Variants in PCDH11X observed in about 807,000 individuals in gnomAD.
PCDH11X encodes protocadherin-11 X-linked.
A neutral mutation model predicts 53.3 loss-of-function variants in PCDH11X; 18 were observed. That is an observed-to-expected ratio of 0.34 (90% CI 0.23 to 0.50). The LOEUF (loss-of-function observed/expected upper bound fraction) is 0.50, where lower values mean the gene tolerates loss of function less well. Ranked by LOEUF, PCDH11X falls within the 20% of genes least tolerant of loss-of-function variation. The pLI, the probability that PCDH11X is intolerant of heterozygous loss-of-function variation, is 0.98. For missense variants in PCDH11X, 570 were observed against 1,032.4 expected (o/e 0.55, Z 6.14); for synonymous variants, 279 against 393.3 (o/e 0.71, Z 3.44).
At chrX:92,418,268 T>G (rs2071866750) in intron 9 of PCDH11X, among the ~76,000 whole-genome samples, 1 of 110,918 alleles carries the variant, frequency 9.0e-6, no homozygotes, top group African/African-American at 3.3e-5. Context: ...AAGCAAATTT[T>G]TTTATTATCT....
intron 10 of PCDH11X, among the ~76,000 whole-genome samples, chrX:92,524,070 C>T (rs2074409312): frequency 9.3e-6 from 1 of 107,474 alleles, no homozygotes; most frequent in Non-Finnish European, 1.9e-5. Context: ...GATTGGTGTT[C>T]GAGAACATTT....
At chrX:92,110,541 A>G (rs1328662589) in intron 6 of PCDH11X, among the ~76,000 whole-genome samples, 5 of 107,239 alleles carry the variant, frequency 4.7e-5, no homozygotes, top group Admixed American at 3.9e-4. Context: ...TTACATAAAC[A>G]AGGGGGGGGC....
chrX:91,983,123 G>T (rs1319924697), intron 6 of PCDH11X: 3 of 1,006,962 alleles, frequency 3.0e-6, no homozygotes, highest in Non-Finnish European at 4.2e-6. Context: ...AATCTATGTT[G>T]CAGTCCAGGG....
intron 6 of PCDH11X, among the ~76,000 whole-genome samples, chrX:91,954,612 C>T (rs1211413459): frequency 9.0e-6 from 1 of 110,577 alleles, no homozygotes; most frequent in East Asian, 2.8e-4. Context: ...CACAATTTTA[C>T]CAGCATCTGT....
intron 10 of PCDH11X, among the ~76,000 whole-genome samples, chrX:92,604,461 G>A (rs975629849): frequency 9.1e-6 from 1 of 110,163 alleles, no homozygotes; most frequent in Middle Eastern, 4.6e-3. Context: ...ATACATACCC[G>A]CACATGTATA....
intron 9 of PCDH11X, among the ~76,000 whole-genome samples, chrX:92,391,516 T>C (rs1365968333): frequency 9.0e-6 from 1 of 111,239 alleles, no homozygotes; most frequent in Non-Finnish European, 1.9e-5. Flanking sequence ...TATTTTTAAG[T>C]AGTCTCAGGT....
chrX:92,453,981 G>A (rs1166404310), intron 9 of PCDH11X, among the ~76,000 whole-genome samples: 4 of 104,108 alleles, frequency 3.8e-5, no homozygotes, highest in African/African-American at 1.4e-4. Context: ...AAGATAATTA[G>A]TTTGAATCAA....
At chrX:91,788,259 C>T (rs11093329) in intron 1 of PCDH11X, among the ~76,000 whole-genome samples, 2 of 111,325 alleles carry the variant, frequency 1.8e-5, no homozygotes, top group African/African-American at 3.3e-5. Context: ...CACTCTGACT[C>T]AGATCTAGAA....
intron 6 of PCDH11X, among the ~76,000 whole-genome samples, chrX:91,931,127 GGT>G (rs199653186): frequency 0.033 from 3,284 of 98,563 alleles, 102 homozygotes; most frequent in African/African-American, 0.1. Flanking sequence ...AAGCTTTAGT[GGT>G]GTGTGTGTGT....
chrX:92,251,231 G>C (rs973292832), intron 7 of PCDH11X, among the ~76,000 whole-genome samples: 27 of 110,178 alleles, frequency 2.5e-4, no homozygotes, highest in African/African-American at 8.5e-4. Flanking sequence ...TCGATAATAC[G>C]GTTCCAGAAT....
chrX:92,473,426 T>G (rs1300683166), intron 10 of PCDH11X, among the ~76,000 whole-genome samples: 69 of 112,112 alleles, frequency 6.2e-4, no homozygotes, highest in Non-Finnish European at 1.2e-3. Flanking sequence ...TCTTTTGTAT[T>G]GATTTCTTTG....
At chrX:92,364,465 TGAGTA>T (rs1382212902) in intron 8 of PCDH11X, among the ~76,000 whole-genome samples, 2 of 110,715 alleles carry the variant, frequency 1.8e-5, no homozygotes, top group African/African-American at 3.3e-5. Flanking sequence ...GCACTAAACA[TGAGTA>T]GAGTTTGCAG....
intron 6 of PCDH11X, among the ~76,000 whole-genome samples, chrX:92,189,079 A>G (rs1011376148): frequency 7.2e-5 from 8 of 111,154 alleles, no homozygotes; most frequent in African/African-American, 2.6e-4. Flanking sequence ...TTTAAGTTCT[A>G]GGGTACATGT....
At chrX:92,397,953 A>G (rs755040477) in intron 9 of PCDH11X, among the ~76,000 whole-genome samples, 7 of 111,332 alleles carry the variant, frequency 6.3e-5, no homozygotes, top group Admixed American at 5.8e-4. Flanking sequence ...TCACACAAAT[A>G]TGTTTTTATT....
intron 8 of PCDH11X, among the ~76,000 whole-genome samples, chrX:92,359,280 A>AT (rs1218275850): frequency 9.1e-6 from 1 of 110,080 alleles, no homozygotes; most frequent in Non-Finnish European, 1.9e-5. Context: ...CATTATTTAA[A>AT]TTTATTGATC....
At chrX:91,902,585 T>C (rs1484835579) in intron 6 of PCDH11X, among the ~76,000 whole-genome samples, 3 of 108,732 alleles carry the variant, frequency 2.8e-5, no homozygotes. Context: ...ACCTATATCC[T>C]GATGAGTTCT....
intron 6 of PCDH11X, chrX:91,882,900 G>A (rs753447924): frequency 1.7e-6 from 2 of 1,184,000 alleles, no homozygotes; most frequent in East Asian, 6.1e-5. Flanking sequence ...TATTTTTCTT[G>A]TCCTAGACTG....
Position 91,876,387 on chromosome X carries a change from T to C in PCDH11X, c.541-394T>C, listed in dbSNP as rs757065682. 4.5e-5 allele frequency among the ~76,000 whole-genome samples: 5 copies of C among 111,067 alleles called. No individual in the cohort carries two copies. In the South Asian group the frequency reaches 1.9e-3, roughly 41 times the overall value. On this transcript the variant is annotated intron_variant, in intron 5 of 10. Transcript: ENST00000682573. ...AAAAATGAAATAAAAAATTAATTAATTTAAAAAAACTGAAATAGTTCACAT... is the reference window on the plus strand; with the variant it reads ...AAAAATGAAATAAAAAATTAATTAACTTAAAAAAACTGAAATAGTTCACAT...
intron 6 of PCDH11X, among the ~76,000 whole-genome samples, chrX:92,155,719 C>T (rs5942127): frequency 0.41 from 43,183 of 105,493 alleles, 7,076 homozygotes; most frequent in Non-Finnish European, 0.5. Flanking sequence ...CTCCACCTCT[C>T]GGGTTCACGC....
Sources: gnomAD v4.1 joint callset for allele counts (sites outside exome capture counted in the v4.1 genomes callset) on GRCh38, gnomAD v4.1.1 for gene constraint, MANE v1.5 for transcripts, NCBI Gene and HGNC (gene_info 2026-07-23, HGNC 2026-07-21) for gene names.